The following FXYD5 variants were observed in gnomAD, a reference collection of about 807,000 sequenced individuals.
FXYD5 encodes the protein FXYD domain-containing ion transport regulator 5.
A neutral mutation model predicts 25.7 loss-of-function variants in FXYD5; 21 were observed. The ratio of observed to expected loss-of-function variants is 0.82; its 90% CI spans 0.58 to 1.18. The LOEUF (loss-of-function observed/expected upper bound fraction) is 1.18, where lower values mean the gene tolerates loss of function less well. Among genes scored for constraint, FXYD5 ranks in the 50% most tolerant of loss-of-function variants. The probability of loss-of-function intolerance (pLI) is 0.00; values close to 1 mark genes in which losing one functional copy is unlikely to be tolerated. For synonymous variants in FXYD5, 101 were observed against 90.7 expected (o/e 1.11, Z -0.64); for missense variants, 229 against 227.7 (o/e 1.01, Z -0.04).
At chr19:35,167,972 A>G (rs2065465330) in intron 8 of FXYD5, among the ~76,000 whole-genome samples, 1 of 152,028 alleles carries the variant, frequency 6.6e-6, no homozygotes, top group African/African-American at 2.4e-5. Context: ...TAATCCCAGT[A>G]CTTTGGGAGG....
intron 7 of FXYD5, 31 bp from the exon 8 acceptor site, chr19:35,166,220 T>C: frequency 6.2e-7 from 1 of 1,610,482 alleles, no homozygotes. Flanking sequence ...GAGGTCCGTC[T>C]GACTCTACCC....
chr19:35,157,390 C>G, intron 2 of FXYD5, 31 bp from the exon 3 acceptor site: 1 of 1,251,930 alleles, frequency 8.0e-7, no homozygotes, highest in Non-Finnish European at 1.2e-6. Flanking sequence ...GGACCAGGCT[C>G]CCTCCTGACT....
chr19:35,155,031 A>C, intron 1 of FXYD5: 1 of 170,254 alleles, frequency 5.9e-6, no homozygotes, highest in African/African-American at 2.4e-5. Flanking sequence ...AGTGCCTCTT[A>C]GGTCTCTCCA....
intron 5 of FXYD5, among the ~76,000 whole-genome samples, chr19:35,161,964 T>C (rs2065410261): frequency 6.6e-6 from 1 of 152,246 alleles, no homozygotes; most frequent in Admixed American, 6.5e-5. Context: ...AATCTATCTA[T>C]TAAAACAATC....
In FXYD5 at chr19:35,169,839, A is replaced by T; in HGVS notation, c.*224A>T. The T allele has an allele frequency of 1.7e-6, 1 of 572,374 alleles. No individual in the cohort carries two copies. Among genetic ancestry groups the T allele is most frequent in the African/African-American group, 1.9e-5 (1 of 53,144 alleles). 35.5% of individuals were successfully genotyped at this position (572,374 alleles called of 1,614,324 possible). Reference sequence around the variant, plus strand: ...CGCCTTGGGGGCTGTCCCTCAAGTTATCTCCTCTGCTAAGACAAAAAGTAA... The same window carrying T: ...CGCCTTGGGGGCTGTCCCTCAAGTTTTCTCCTCTGCTAAGACAAAAAGTAA... On this transcript the variant is annotated 3_prime_UTR_variant, in exon 9 of 9. Coordinates refer to ENST00000392219, the MANE Select transcript of FXYD5 (RefSeq NM_014164.6).
At chr19:35,166,030 T>G (rs945279401) in intron 6 of FXYD5, 112 bp from the exon 7 acceptor site, 31 of 918,566 alleles carry the variant, frequency 3.4e-5, no homozygotes, top group Middle Eastern at 3.2e-4. Context: ...GTGAAGATTT[T>G]GGGTTTTGTT....
intron 4 of FXYD5, chr19:35,159,693 T>C (rs1465004214): frequency 6.7e-7 from 1 of 1,499,122 alleles, no homozygotes; most frequent in East Asian, 2.5e-5. Context: ...ATTTTGCGTA[T>C]GTTAACTCAT....
intron 4 of FXYD5, chr19:35,159,465 T>G: frequency 6.5e-7 from 1 of 1,543,934 alleles, no homozygotes; most frequent in East Asian, 2.4e-5. Context: ...TCTTCTCACA[T>G]CACTGCATAA....
At chr19:35,161,753 C>T (rs973034327) in intron 5 of FXYD5, among the ~76,000 whole-genome samples, 1 of 152,222 alleles carries the variant, frequency 6.6e-6, no homozygotes, top group African/African-American at 2.4e-5. Flanking sequence ...GCCTCTAATG[C>T]CTGCGTGATG....
rs2065345786 is a variant in FXYD5 at position 35,155,540 on chromosome 19, T to G, written c.1-11T>G. On this transcript the variant is annotated splice_polypyrimidine_tract_variant and intron_variant, in intron 1 of 8. Coordinates refer to ENST00000392219, the MANE Select transcript of FXYD5 (RefSeq NM_014164.6). ...CATCATGGCTGACCCCAGCATCGCC[T>G]GGTCCCACAGATGTCGCCCTCTGGT... 1.9e-6 allele frequency: 3 copies of G among 1,608,138 alleles called. No individual in the cohort carries two copies. The highest frequency in any genetic ancestry group is 1.7e-6 in the Non-Finnish European group (2 of 1,178,602).
Position 35,164,249 on chromosome 19 carries a change from A to G in FXYD5, c.382+4A>G, listed in dbSNP as rs770230742. 1.9e-6 allele frequency: 3 copies of G among 1,606,586 alleles called. No individual in the cohort carries two copies. The South Asian group carries it at 3.3e-5, about 18-fold the overall frequency. On this transcript the variant is annotated splice_donor_region_variant and intron_variant, in intron 6 of 8. Transcript: ENST00000392219. ...CCCCAGACCCTCAAGCCATCTGGTT[A>G]GTAACTGCCTCCCCAGACTGGAAAC...
At chr19:35,155,704 C>A in intron 2 of FXYD5, 93 bp downstream of exon 2, 1 of 917,816 alleles carries the variant, frequency 1.1e-6, no homozygotes, top group Non-Finnish European at 1.8e-6. Context: ...CCCGTGTGAA[C>A]GTTGTCCTGC....
chr19:35,160,574 G>A (rs896206103), intron 4 of FXYD5, 135 bp from the exon 5 acceptor site: 23 of 652,862 alleles, frequency 3.5e-5, no homozygotes, highest in Middle Eastern at 3.4e-4. Context: ...TCGAACTCCC[G>A]ACCTAAGGTA....
rs377402643 is a variant in FXYD5, at chr19:35,164,281, T to G, written c.382+36T>G. On this transcript the variant is annotated intron_variant, in intron 6 of 8. Coordinates refer to ENST00000392219, the MANE Select transcript of FXYD5 (RefSeq NM_014164.6). ...GCCTCCCCAGACTGGAAACAGGCTATTTTCTGTTCACTGTGTATTTCCAGC... is the reference window on the plus strand; with the variant it reads ...GCCTCCCCAGACTGGAAACAGGCTAGTTTCTGTTCACTGTGTATTTCCAGC... 191 of 1,581,480 alleles carry G rather than the reference T, an allele frequency of 1.2e-4. 2 individuals are homozygous for G. The highest frequency in any genetic ancestry group is 3.4e-4 in the Middle Eastern group (2 of 5,930).
chr19:35,158,119 C>A (rs1000117363), intron 3 of FXYD5, among the ~76,000 whole-genome samples: 3 of 152,106 alleles, frequency 2.0e-5, no homozygotes, highest in African/African-American at 7.2e-5. Context: ...GCCAGCATCT[C>A]GAAGAAGGAG....
In FXYD5 at chr19:35,169,625, A is replaced by C. The variant is rs1293501539; in HGVS notation, c.*10A>C. The stretch of plus-strand genomic sequence containing the variant: ...GAATCGTTGCAGGTGAGTCCATCAG[A>C]AACAGGAGCTGACAACCTGCTGGGC... On this transcript the variant is annotated 3_prime_UTR_variant, in exon 9 of 9. Coordinates refer to ENST00000392219, the MANE Select transcript of FXYD5 (RefSeq NM_014164.6). 1.3e-6 allele frequency: 2 copies of C among 1,599,592 alleles called. No homozygotes were observed. The highest frequency in any genetic ancestry group is 8.6e-7 in the Non-Finnish European group (1 of 1,166,776).
At chr19:35,155,685 G>A in intron 2 of FXYD5, 74 bp downstream of exon 2, 1 of 1,117,464 alleles carries the variant, frequency 8.9e-7, no homozygotes, top group South Asian at 1.2e-5. Flanking sequence ...CTGCGGGGTG[G>A]GTGGTTGGCC....
chr19:35,155,026 C>G (rs2065339642), intron 1 of FXYD5: 1 of 171,046 alleles, frequency 5.8e-6, no homozygotes, highest in East Asian at 1.8e-4. Flanking sequence ...GGACCAGTGC[C>G]TCTTAGGTCT....
At chr19:35,160,657 T>C in intron 4 of FXYD5, 52 bp from the exon 5 acceptor site, 5 of 1,279,510 alleles carry the variant, frequency 3.9e-6, no homozygotes, top group Non-Finnish European at 5.7e-6. Context: ...CAATTCTCTT[T>C]CCCCAGTGAC....
Sources: allele counts gnomAD v4.1 joint callset (sites outside exome capture counted in the v4.1 genomes callset), GRCh38; gene constraint gnomAD v4.1.1; transcripts MANE v1.5; gene names NCBI Gene and HGNC (gene_info 2026-07-23, HGNC 2026-07-21).